DLG2: variants seen among roughly 807,000 people sequenced by gnomAD.
The protein encoded by DLG2 is discs large MAGUK scaffold protein 2.
DLG2 carries 45 observed loss-of-function variants against 132.5 expected under a neutral mutation model. The ratio of observed to expected loss-of-function variants is 0.34; its 90% CI spans 0.27 to 0.44. The LOEUF (loss-of-function observed/expected upper bound fraction) is 0.44, where lower values mean the gene tolerates loss of function less well. Among genes scored for constraint, DLG2 ranks in the 20% least tolerant of loss-of-function variants. The pLI is 1.00. For synonymous variants in DLG2, 424 were observed against 419.6 expected (o/e 1.01, Z -0.13); for missense variants, 1,045 against 1,196.9 (o/e 0.87, Z 1.87).
intron 6 of DLG2, among the ~76,000 whole-genome samples, chr11:84,676,486 C>T (rs2099711353): frequency 6.6e-6 from 1 of 151,938 alleles, no homozygotes; most frequent in African/African-American, 2.4e-5. Flanking sequence ...GATCTGAGGT[C>T]CTTTATCACA....
intron 4 of DLG2, among the ~76,000 whole-genome samples, chr11:85,219,813 G>A (rs1172069407): frequency 6.6e-6 from 1 of 150,994 alleles, no homozygotes. Flanking sequence ...GCACTTCAGG[G>A]AAATGCGATT....
At chr11:84,347,064 T>C (rs2098542380) in intron 7 of DLG2, among the ~76,000 whole-genome samples, 2 of 152,168 alleles carry the variant, frequency 1.3e-5, no homozygotes, top group Admixed American at 1.3e-4. Context: ...TACAGCCATC[T>C]AATAAAAACA....
chr11:85,460,674 T>C (rs866163876), intron 3 of DLG2, among the ~76,000 whole-genome samples: 1 of 152,214 alleles, frequency 6.6e-6, no homozygotes, highest in South Asian at 2.1e-4. Context: ...GCCTCTCCCA[T>C]GATCACCCCT....
chr11:84,872,938 A>G (rs1252055632), intron 6 of DLG2, among the ~76,000 whole-genome samples: 2 of 152,332 alleles, frequency 1.3e-5, no homozygotes, highest in Non-Finnish European at 2.9e-5. Context: ...GACATGCTAC[A>G]AATTTTTGTT....
Position 83,462,071 on chromosome 11 carries a change from C to T in DLG2, c.2752G>A (p.Glu918Lys). 1 of 1,611,922 alleles carries T rather than the reference C, an allele frequency of 6.2e-7. No individual in the cohort carries two copies. Among genetic ancestry groups the T allele is most frequent in the Non-Finnish European group, 8.5e-7 (1 of 1,178,018 alleles). ...PLMEMNKRLT[E>K]EQAKKTYDRA... ...TCATAGGTTTTCTTGGCTTGTTCCT[C>T]TGTTAGACGCTTATTCATCTCCCTG... is the stretch of plus-strand genomic sequence containing the variant. The change falls in exon 27 of 28, where the codon GAG (glutamate) becomes AAG (lysine). Residue 918 changes from glutamate (E) to lysine (K), a missense_variant. Glu to Lys is a moderately conservative substitution (Grantham distance 56, BLOSUM62 1). Around this residue, in one of 4 missense-constraint regions of DLG2, gnomAD observed 398 missense variants for 543.6 expected, o/e 0.73. Transcript: ENST00000376104.
At chr11:84,844,478 T>C (rs1255351114) in intron 6 of DLG2, among the ~76,000 whole-genome samples, 1 of 151,978 alleles carries the variant, frequency 6.6e-6, no homozygotes, top group African/African-American at 2.4e-5. Context: ...TTCAAGTACC[T>C]GTATTCTCTC....
intron 7 of DLG2, among the ~76,000 whole-genome samples, chr11:84,336,814 G>A (rs1442687390): frequency 6.6e-6 from 1 of 152,160 alleles, no homozygotes; most frequent in African/African-American, 2.4e-5. Flanking sequence ...AAACAGAGGA[G>A]AAAAAGATAA....
chr11:85,063,480 G>A (rs1312070870), intron 6 of DLG2, among the ~76,000 whole-genome samples: 1 of 151,732 alleles, frequency 6.6e-6, no homozygotes, highest in East Asian at 1.9e-4. Context: ...GGGGCTCCTA[G>A]AAATTTTATA....
chr11:85,553,113 ACT>A (rs34478679), intron 3 of DLG2, among the ~76,000 whole-genome samples: 23,320 of 151,572 alleles, frequency 0.15, 2,365 homozygotes, highest in East Asian at 0.28. Flanking sequence ...AATGCCAGGC[ACT>A]GTTTTAGTTC....
At position 84,636,545 on chromosome 11, in the gene DLG2, G is replaced by T. The variant is rs539937843; in HGVS notation, c.358-101814C>A. ...TGTAAAATTCTTACTGTCATTTTGG[G>T]TACAAAACAGACACATAAAAATGAC... On this transcript the variant is annotated intron_variant, in intron 6 of 27. Coordinates refer to ENST00000376104, the MANE Select transcript of DLG2 (RefSeq NM_001142699.3). Among the ~76,000 whole-genome samples, 3 of 152,138 alleles carry T rather than the reference G, an allele frequency of 2.0e-5. No individual in the cohort carries two copies. In the South Asian group the frequency reaches 6.2e-4, roughly 32 times the overall value.
At chr11:85,296,666 C>T (rs572144983) in intron 3 of DLG2, among the ~76,000 whole-genome samples, 2 of 151,302 alleles carry the variant, frequency 1.3e-5, no homozygotes, top group African/African-American at 4.8e-5. Flanking sequence ...AAAAGTATCA[C>T]ATTCCACTGC....
intron 15 of DLG2, among the ~76,000 whole-genome samples, chr11:83,906,075 CTCTCTCTA>C (rs1308841715): frequency 9.0e-5 from 9 of 99,924 alleles, no homozygotes; most frequent in South Asian, 3.9e-4. Flanking sequence ...CTCTCTCTCT[CTCTCTCTA>C]TATATATATA....
chr11:84,197,983 TTTAAATATGTAA>T (rs1432762726), intron 8 of DLG2, among the ~76,000 whole-genome samples: 3 of 152,204 alleles, frequency 2.0e-5, no homozygotes, highest in East Asian at 3.8e-4. Context: ...AAAGTATTTT[TTTAAATATGTAA>T]TATTAAGATA....
intron 4 of DLG2, among the ~76,000 whole-genome samples, chr11:85,273,505 T>C (rs1305209780): frequency 6.6e-6 from 1 of 152,088 alleles, no homozygotes; most frequent in Non-Finnish European, 1.5e-5. Flanking sequence ...CATGAAAAAA[T>C]GCTCATCATC....
chr11:85,232,033 C>T (rs10501590), intron 4 of DLG2, among the ~76,000 whole-genome samples: 116,020 of 151,536 alleles, frequency 0.77, 44,939 homozygotes, highest in Non-Finnish European at 0.84. Flanking sequence ...TATCTAGTAT[C>T]TTACCCTGCA....
At chr11:83,601,196 C>G (rs928433069) in intron 19 of DLG2, among the ~76,000 whole-genome samples, 5 of 152,198 alleles carry the variant, frequency 3.3e-5, no homozygotes, top group African/African-American at 1.2e-4. Context: ...TAGAGTTCTT[C>G]CCCTCATAAT....
chr11:85,004,932 T>G (rs753397532), intron 6 of DLG2, among the ~76,000 whole-genome samples: 1 of 152,156 alleles, frequency 6.6e-6, no homozygotes, highest in Non-Finnish European at 1.5e-5. Flanking sequence ...CCAGTTGCAG[T>G]TCTCTGCATA....
intron 6 of DLG2, among the ~76,000 whole-genome samples, chr11:84,984,622 G>A (rs1181439464): frequency 6.7e-6 from 1 of 150,036 alleles, no homozygotes; most frequent in African/African-American, 2.4e-5. Flanking sequence ...ATAGCACAAT[G>A]AATGGAATGG....
intron 3 of DLG2, among the ~76,000 whole-genome samples, chr11:85,506,852 A>G (rs1321645808): frequency 1.3e-5 from 2 of 152,178 alleles, no homozygotes; most frequent in East Asian, 3.8e-4. Context: ...GTGGGAGTCT[A>G]AGTCTCTTTG....
Sources: gnomAD v4.1 joint callset for allele counts (sites outside exome capture counted in the v4.1 genomes callset) on GRCh38, gnomAD v4.1.1 for gene constraint, gnomAD v4.1.1 regional missense constraint, MANE v1.5 for transcripts, NCBI Gene and HGNC (gene_info 2026-07-23, HGNC 2026-07-21) for gene names.